Variants in TSPAN7 observed in about 807,000 individuals in gnomAD.
TSPAN7 encodes tetraspanin-7.
In TSPAN7, 1 loss-of-function variant was observed where a neutral mutation model predicts 17.6. That is an observed-to-expected ratio of 0.06 (90% CI 0.02 to 0.27). The LOEUF (loss-of-function observed/expected upper bound fraction) is 0.27. TSPAN7 is among the 10% of genes least tolerant of loss of function. The pLI is 1.00. For missense variants in TSPAN7, 112 were observed against 201.7 expected (o/e 0.56, Z 2.69); for synonymous variants, 78 against 79.0 (o/e 0.99, Z 0.07).
At chrX:38,607,622 C>G (rs1054436436) in intron 1 of TSPAN7, among the ~76,000 whole-genome samples, 1 of 111,443 alleles carries the variant, frequency 9.0e-6, no homozygotes, top group Non-Finnish European at 1.9e-5. Flanking sequence ...AGTGAGCACA[C>G]TTTTCGTAGC....
chrX:38,637,447 G>T (rs1242345709), intron 1 of TSPAN7, among the ~76,000 whole-genome samples: 1 of 112,101 alleles, frequency 8.9e-6, no homozygotes, highest in African/African-American at 3.2e-5. Context: ...AAATGTCATG[G>T]CTATCATTGC....
chrX:38,656,561 T>C (rs1254979142), intron 1 of TSPAN7, among the ~76,000 whole-genome samples: 1 of 111,541 alleles, frequency 9.0e-6, no homozygotes, highest in African/African-American at 3.3e-5. Flanking sequence ...AGGTGGGGCA[T>C]ACAGGGAATC....
chrX:38,666,026 C>A, intron 1 of TSPAN7, 95 bp from the exon 2 acceptor site: 1 of 839,323 alleles, frequency 1.2e-6, no homozygotes, highest in Non-Finnish European at 1.8e-6. Flanking sequence ...CCGTCTTATT[C>A]ACGGAAACTT....
chrX:38,653,804 T>G (rs953600003), intron 1 of TSPAN7, among the ~76,000 whole-genome samples: 2 of 112,329 alleles, frequency 1.8e-5, no homozygotes, highest in Non-Finnish European at 3.8e-5. Context: ...CTAGGGTACA[T>G]GTGCACAACG....
At chrX:38,616,798 C>G (rs1295240993) in intron 1 of TSPAN7, among the ~76,000 whole-genome samples, 1 of 111,389 alleles carries the variant, frequency 9.0e-6, no homozygotes, top group African/African-American at 3.3e-5. Flanking sequence ...CAGAGCCACT[C>G]TATGCAATTT....
At chrX:38,624,102 T>G (rs1292725879) in intron 1 of TSPAN7, among the ~76,000 whole-genome samples, 1 of 110,955 alleles carries the variant, frequency 9.0e-6, no homozygotes, top group Non-Finnish European at 1.9e-5. Context: ...GTTTTTTTGT[T>G]TTGTTTTCAT....
At chrX:38,629,229 T>C (rs1286507791) in intron 1 of TSPAN7, among the ~76,000 whole-genome samples, 1 of 112,661 alleles carries the variant, frequency 8.9e-6, no homozygotes, top group Non-Finnish European at 1.9e-5. Flanking sequence ...AGCCACTGGC[T>C]AGTGCAATGA....
intron 1 of TSPAN7, among the ~76,000 whole-genome samples, chrX:38,665,919 G>T (rs147657232): frequency 9.8e-5 from 11 of 112,112 alleles, no homozygotes; most frequent in African/African-American, 3.6e-4. Flanking sequence ...TGTGTAAGGG[G>T]CACGTTTATT....
chrX:38,651,047 T>TTATATATATATATATATATATATA (rs1224340332), intron 1 of TSPAN7, among the ~76,000 whole-genome samples: 1 of 63,727 alleles, frequency 1.6e-5, no homozygotes, highest in African/African-American at 9.6e-5. Flanking sequence ...AGAAATGTGA[T>TTATATATATATATATATATATATA]TACATATATA....
chrX:38,664,876 C>T (rs6610174), intron 1 of TSPAN7, among the ~76,000 whole-genome samples: 19,972 of 111,123 alleles, frequency 0.18, 2,081 homozygotes, highest in East Asian at 0.77. Flanking sequence ...GACCATTCTT[C>T]GTCCTGCACA....
chrX:38,594,971 A>G (rs1439160825), intron 1 of TSPAN7, among the ~76,000 whole-genome samples: 1 of 111,155 alleles, frequency 9.0e-6, no homozygotes, highest in African/African-American at 3.3e-5. Context: ...CCTTTTTTTT[A>G]TAGCAGCTTG....
chrX:38,664,096 A>G (rs1431207294), intron 1 of TSPAN7, among the ~76,000 whole-genome samples: 6 of 112,495 alleles, frequency 5.3e-5, no homozygotes, highest in Non-Finnish European at 9.4e-5. Context: ...ATAATGCTAC[A>G]GTGGAAAGTA....
intron 6 of TSPAN7, 54 bp from the exon 7 acceptor site, chrX:38,687,544 AG>A: frequency 9.5e-7 from 1 of 1,052,226 alleles, no homozygotes; most frequent in Non-Finnish European, 1.3e-6. Context: ...AAATATTAAA[AG>A]GGTGTGGTTC....
intron 2 of TSPAN7, among the ~76,000 whole-genome samples, chrX:38,670,625 C>T (rs936439504): frequency 2.7e-5 from 3 of 112,615 alleles, no homozygotes; most frequent in South Asian, 3.7e-4. Flanking sequence ...GGAACATCAT[C>T]TTGCACACGT....
chrX:38,667,887 G>C (rs867373865), intron 2 of TSPAN7, among the ~76,000 whole-genome samples: 1 of 112,182 alleles, frequency 8.9e-6, no homozygotes, highest in South Asian at 3.7e-4. Context: ...ACCTTTGCCA[G>C]CATCCCACCA....
At chrX:38,591,460 G>A (rs1364623754) in intron 1 of TSPAN7, among the ~76,000 whole-genome samples, 1 of 111,566 alleles carries the variant, frequency 9.0e-6, no homozygotes, top group Non-Finnish European at 1.9e-5. Flanking sequence ...AGCCTATCTT[G>A]GCAGATATTC....
chrX:38,636,756 A>C (rs1268173541), intron 1 of TSPAN7, among the ~76,000 whole-genome samples: 1 of 109,612 alleles, frequency 9.1e-6, no homozygotes, highest in Admixed American at 9.7e-5. Context: ...GCTCACTGCA[A>C]CCTCCGCCTC....
Position 38,614,514 on chromosome X carries a change from A to G in TSPAN7, c.82-51607A>G, listed in dbSNP as rs368614291. 4.6e-4 allele frequency among the ~76,000 whole-genome samples: 52 copies of G among 112,710 alleles called. No homozygotes were observed. The South Asian group carries it at 0.018, about 40-fold the overall frequency. ...CCCATACACCAGGGGCCGAGTTGAA[A>G]TAATGCTTGTGAATCCTATTAAGAT... On this transcript the variant is annotated intron_variant, in intron 1 of 7. Coordinates refer to ENST00000378482, the MANE Select transcript of TSPAN7 (RefSeq NM_004615.4).
At chrX:38,574,007 G>A (rs2069181864) in intron 1 of TSPAN7, among the ~76,000 whole-genome samples, 2 of 111,679 alleles carry the variant, frequency 1.8e-5, no homozygotes, top group Non-Finnish European at 3.8e-5. Context: ...TTCTCATACG[G>A]TACTCTTTCA....
Sources: gnomAD v4.1 joint callset for allele counts (sites outside exome capture counted in the v4.1 genomes callset) on GRCh38, gnomAD v4.1.1 for gene constraint, MANE v1.5 for transcripts, NCBI Gene and HGNC (gene_info 2026-07-23, HGNC 2026-07-21) for gene names.